Variants in KANK1 observed in about 807,000 individuals in gnomAD.
KANK1 encodes KN motif and ankyrin repeat domains 1.
KANK1 carries 109 observed loss-of-function variants against 106.2 expected under a neutral mutation model. That is an observed-to-expected ratio of 1.03 (90% CI 0.88 to 1.20). The LOEUF is 1.20. Among genes scored for constraint, KANK1 ranks in the 50% most tolerant of loss-of-function variants. The pLI, the probability that KANK1 is intolerant of heterozygous loss-of-function variation, is 0.00. For missense variants in KANK1, 2,399 were observed against 1,710.7 expected (o/e 1.40, Z -7.10); for synonymous variants, 873 against 652.2 (o/e 1.34, Z -5.16).
intron 1 of KANK1, among the ~76,000 whole-genome samples, chr9:590,639 G>A (rs906162215): frequency 9.6e-5 from 11 of 115,144 alleles, no homozygotes; most frequent in Non-Finnish European, 2.0e-4. Flanking sequence ...TTCTTCCGGA[G>A]ATTTTTTTTT....
intron 1 of KANK1, among the ~76,000 whole-genome samples, chr9:531,365 A>T (rs1360888013): frequency 6.6e-6 from 1 of 152,146 alleles, no homozygotes; most frequent in African/African-American, 2.4e-5. Flanking sequence ...CAGGAGGTGG[A>T]GGCTGCAGTG....
intron 2 of KANK1, among the ~76,000 whole-genome samples, chr9:704,406 C>G (rs1823473279): frequency 6.6e-6 from 1 of 152,152 alleles, no homozygotes; most frequent in African/African-American, 2.4e-5. Flanking sequence ...ATCTGCATTC[C>G]AGGCAGCAGG....
At position 738,459 on chromosome 9, in the gene KANK1, G is replaced by A. The variant is rs150374219; in HGVS notation, c.3508G>A (p.Val1170Met). The A allele has an allele frequency of 7.4e-6, 12 of 1,614,146 alleles. No homozygotes were observed. The highest frequency in any genetic ancestry group is 1.6e-4 in the Middle Eastern group (1 of 6,062). Reference sequence around the variant, plus strand: ...CGGCAACACAGCCCTCCATTACAGCGTGTCCCACTCCAACTTCGAGATTGT... The same window carrying A: ...CGGCAACACAGCCCTCCATTACAGCATGTCCCACTCCAACTTCGAGATTGT... ...GNGNTALHYS[V>M]SHSNFEIVKL... The change falls in exon 8 of 12, where the codon GTG (valine) becomes ATG (methionine). Residue 1170 changes from valine (V) to methionine (M), a missense_variant. Transcript: ENST00000382297.
intron 2 of KANK1, chr9:684,183 A>G: frequency 1.0e-6 from 1 of 985,374 alleles, no homozygotes; most frequent in Non-Finnish European, 1.2e-6. Context: ...TCTTGCCCCA[A>G]GCCTTGAGCC....
intron 1 of KANK1, among the ~76,000 whole-genome samples, chr9:537,861 A>G (rs1162550917): frequency 1.3e-5 from 2 of 152,194 alleles, no homozygotes; most frequent in East Asian, 3.8e-4. Flanking sequence ...CTTGATTGAG[A>G]AAGGAGTGTT....
chr9:682,109 G>T (rs955613757), intron 2 of KANK1, among the ~76,000 whole-genome samples: 1 of 151,886 alleles, frequency 6.6e-6, no homozygotes, highest in African/African-American at 2.4e-5. Flanking sequence ...GTGAAAACCC[G>T]TCTCTACTAA....
At chr9:702,843 G>T (rs1023200419) in intron 2 of KANK1, among the ~76,000 whole-genome samples, 5 of 152,068 alleles carry the variant, frequency 3.3e-5, no homozygotes, top group African/African-American at 9.7e-5. Context: ...GCACCAACAG[G>T]TTCTGTCCTG....
chr9:719,591 A>C (rs1828759707), intron 3 of KANK1, among the ~76,000 whole-genome samples: 1 of 151,440 alleles, frequency 6.6e-6, no homozygotes, highest in South Asian at 2.1e-4. Context: ...TTTAAAATCC[A>C]TTTTAATATA....
At position 640,983 on chromosome 9, in the gene KANK1, A is replaced by G. The variant is rs1240683760; in HGVS notation, c.-83-35907A>G. Among the ~76,000 whole-genome samples, 3 of 152,216 alleles carry G rather than the reference A, an allele frequency of 2.0e-5. No individual in the cohort carries two copies. In the East Asian group the frequency reaches 5.8e-4, roughly 29 times the overall value. ...AGTCCAGGGATTACAGGCGTGAGCC[A>G]CCGCGCCTGGCCACCACTTTTAAAT... On this transcript the variant is annotated intron_variant, in intron 1 of 11. Coordinates refer to ENST00000382297, the MANE Select transcript of KANK1 (RefSeq NM_015158.5).
At chr9:632,051 G>A (rs10815382) in intron 1 of KANK1, among the ~76,000 whole-genome samples, 1 of 151,952 alleles carries the variant, frequency 6.6e-6, no homozygotes, top group African/African-American at 2.4e-5. Flanking sequence ...CCCTGTCTCC[G>A]TAGCATTGTG....
intron 1 of KANK1, among the ~76,000 whole-genome samples, chr9:555,991 A>G (rs1468481636): frequency 1.3e-5 from 2 of 152,194 alleles, no homozygotes; most frequent in Non-Finnish European, 2.9e-5. Flanking sequence ...TCAGAGTTAT[A>G]CTTAAAATGA....
At chr9:497,565 T>C (rs1440919422) in intron 3 of KANK1, among the ~76,000 whole-genome samples, 1 of 152,150 alleles carries the variant, frequency 6.6e-6, no homozygotes, top group Non-Finnish European at 1.5e-5. Context: ...ATTATAACTG[T>C]AGTATATAAC....
chr9:572,191 CT>C (rs1819374771), intron 1 of KANK1, among the ~76,000 whole-genome samples: 1 of 117,102 alleles, frequency 8.5e-6, no homozygotes, highest in African/African-American at 3.4e-5. Context: ...GGGTCTTGCT[CT>C]TTTCCCAGGC....
intron 3 of KANK1, among the ~76,000 whole-genome samples, chr9:498,256 C>T (rs1009873332): frequency 2.0e-5 from 3 of 152,182 alleles, no homozygotes; most frequent in Admixed American, 1.3e-4. Context: ...ACTAATTGCA[C>T]CACACGAAGG....
intron 3 of KANK1, among the ~76,000 whole-genome samples, chr9:477,040 A>G (rs2058116839): frequency 1.3e-5 from 2 of 152,230 alleles, no homozygotes; most frequent in Non-Finnish European, 2.9e-5. Context: ...GTTTAAAAGC[A>G]CATTTGTCTG....
chr9:683,751 A>G (rs1818018836), intron 2 of KANK1, among the ~76,000 whole-genome samples: 1 of 152,192 alleles, frequency 6.6e-6, no homozygotes, highest in African/African-American at 2.4e-5. Context: ...AAATTAATAA[A>G]CATATTGTTA....
intron 1 of KANK1, among the ~76,000 whole-genome samples, chr9:581,184 G>GCCGGCT (rs1822043202): frequency 6.6e-6 from 1 of 152,202 alleles, no homozygotes; most frequent in African/African-American, 2.4e-5. Context: ...AGCAGAGGGA[G>GCCGGCT]CCGGCTCCGG....
At chr9:578,503 T>C (rs917179013) in intron 1 of KANK1, among the ~76,000 whole-genome samples, 1 of 152,064 alleles carries the variant, frequency 6.6e-6, no homozygotes, top group Non-Finnish European at 1.5e-5. Context: ...GGTGCAGTCC[T>C]CTATACAAAA....
intron 3 of KANK1, among the ~76,000 whole-genome samples, chr9:728,291 G>C (rs891869034): frequency 2.0e-5 from 3 of 150,582 alleles, no homozygotes; most frequent in Non-Finnish European, 2.9e-5. Flanking sequence ...CTCCACCTCC[G>C]GGTTCGAGCC....
Sources: gnomAD v4.1 joint callset for allele counts (sites outside exome capture counted in the v4.1 genomes callset) on GRCh38, gnomAD v4.1.1 for gene constraint, MANE v1.5 for transcripts, NCBI Gene and HGNC (gene_info 2026-07-23, HGNC 2026-07-21) for gene names.